PCDHA10: variants seen among roughly 807,000 people sequenced by gnomAD.
PCDHA10 encodes protocadherin alpha-10.
A neutral mutation model predicts 61.2 loss-of-function variants in PCDHA10; 45 were observed. The ratio of observed to expected loss-of-function variants is 0.74; its 90% confidence interval spans 0.58 to 0.94. The LOEUF (loss-of-function observed/expected upper bound fraction) is 0.94. PCDHA10 is among the 40% of genes least tolerant of loss of function. PCDHA10 has a pLI of 0.00. For synonymous variants in PCDHA10, 602 were observed against 548.8 expected, an observed-to-expected ratio of 1.10 and a Z score of -1.35; for missense variants, 1,278 against 1,236.2, an observed-to-expected ratio of 1.03 and a Z score of -0.51.
intron 1 of PCDHA10, chr5:140,864,391 A>G (rs1554158881): frequency 6.6e-6 from 1 of 152,234 alleles, no homozygotes; most frequent in African/African-American, 2.4e-5. Context: ...TCTCTCACAA[A>G]TGGTGATGAG....
intron 3 of PCDHA10, among the ~76,000 whole-genome samples, chr5:140,987,622 TAGATG>T (rs1554249376): frequency 2.6e-5 from 4 of 152,328 alleles, no homozygotes; most frequent in African/African-American, 9.6e-5. Flanking sequence ...TTGGAAGAAT[TAGATG>T]AGATAATGCA....
intron 1 of PCDHA10, among the ~76,000 whole-genome samples, chr5:140,878,256 C>G (rs2057518420): frequency 6.6e-6 from 1 of 152,160 alleles, no homozygotes; most frequent in Admixed American, 6.5e-5. Flanking sequence ...TCCTCACGTG[C>G]TTAGGCTTTT....
At chr5:140,954,968 G>T (rs531304394) in intron 1 of PCDHA10, among the ~76,000 whole-genome samples, 4 of 152,200 alleles carry the variant, frequency 2.6e-5, no homozygotes, top group African/African-American at 9.6e-5. Context: ...TAAGGAAAGG[G>T]TCCAGTTTCA....
At chr5:140,902,185 TTC>T (rs370111655) in intron 1 of PCDHA10, among the ~76,000 whole-genome samples, 3 of 150,766 alleles carry the variant, frequency 2.0e-5, no homozygotes, top group South Asian at 2.1e-4. Flanking sequence ...CCTTTATGTC[TTC>T]TCTCTCTCTC....
intron 1 of PCDHA10, among the ~76,000 whole-genome samples, chr5:140,889,098 T>C (rs1252119447): frequency 6.6e-6 from 1 of 152,012 alleles, no homozygotes; most frequent in African/African-American, 2.4e-5. Flanking sequence ...AACAATTTTT[T>C]CATCTTTATT....
In PCDHA10 at chr5:140,926,298, C is replaced by G. The variant is rs1337047837; in HGVS notation, c.2389-52651C>G. 3.3e-5 allele frequency: 5 copies of G among 152,328 alleles called. No homozygotes were observed. In the East Asian group the frequency reaches 5.8e-4, roughly 18 times the overall value. The allele number at this position is 152,328 out of a possible 1,614,324, so 9.4% of individuals were successfully genotyped here. Reference sequence around the variant, plus strand: ...TCGGCAGCTCCACGCTGAGTCCCGCCCTCTCCGCCGGAGAGGTGCGCCGGG... The same window carrying G: ...TCGGCAGCTCCACGCTGAGTCCCGCGCTCTCCGCCGGAGAGGTGCGCCGGG... On this transcript the variant is annotated intron_variant, in intron 1 of 3. Coordinates refer to ENST00000307360, the MANE Select transcript of PCDHA10 (RefSeq NM_018901.4).
In PCDHA10 at chr5:140,856,507, A is replaced by C. The variant is rs527808702; in HGVS notation, c.459A>C (p.Leu153=). 4.2e-5 allele frequency: 67 copies of C among 1,598,478 alleles called. 5 individuals carry two copies. In the South Asian group the frequency reaches 7.1e-4, roughly 17 times the overall value. Reference sequence around the variant, plus strand: ...GACTGCTTGACTCTCGATTTCCACTAGAAGGCGCATCTGATGCGGATGTTG... The same window carrying C: ...GACTGCTTGACTCTCGATTTCCACTCGAAGGCGCATCTGATGCGGATGTTG... ...ESRLLDSRFP[L]EGASDADVGE... Residue 153 remains leucine (L), a synonymous_variant, in exon 1 of 4, where the codon CTA becomes CTC. Coordinates refer to ENST00000307360, the MANE Select transcript of PCDHA10 (RefSeq NM_018901.4).
At chr5:140,887,348 G>C (rs997332881) in intron 1 of PCDHA10, among the ~76,000 whole-genome samples, 1 of 151,978 alleles carries the variant, frequency 6.6e-6, no homozygotes, top group Non-Finnish European at 1.5e-5. Flanking sequence ...CACCTGGCTC[G>C]GCCTCCCAAA....
chr5:140,960,713 ATCTTATTTTAGT>A (rs2095563566), intron 1 of PCDHA10, among the ~76,000 whole-genome samples: 3 of 150,862 alleles, frequency 2.0e-5, no homozygotes, highest in Non-Finnish European at 4.4e-5. Flanking sequence ...CCAAATACTC[ATCTTATTTTAGT>A]CCATGATTTT....
rs1587841717 is a variant in PCDHA10, at chr5:140,999,568, GA to G, written c.2537-10058del. On this transcript the variant is annotated intron_variant, in intron 3 of 3. Transcript: ENST00000307360. ...ATGAAGAGGGGGTATTTTGAGAAGA[GA>G]CTATAAAGGGAAATTGCCTTCCCTA... Among the ~76,000 whole-genome samples the G allele has an allele frequency of 2.0e-5, 3 of 152,084 alleles. No homozygotes were observed. In the South Asian group the frequency reaches 6.2e-4, roughly 32 times the overall value.
intron 1 of PCDHA10, among the ~76,000 whole-genome samples, chr5:140,908,772 A>G (rs2074146123): frequency 6.6e-6 from 1 of 152,144 alleles, no homozygotes; most frequent in East Asian, 1.9e-4. Flanking sequence ...CGTGTTGTAG[A>G]GTCTTCTCCT....
chr5:140,898,913 G>T (rs1554188302), intron 1 of PCDHA10, among the ~76,000 whole-genome samples: 1 of 152,066 alleles, frequency 6.6e-6, no homozygotes, highest in Non-Finnish European at 1.5e-5. Context: ...CACGTCCCTT[G>T]TAAGTTGGAT....
chr5:140,927,401 G>A lies in PCDHA10; in HGVS notation c.2389-51548G>A, dbSNP rs782140870. On this transcript the variant is annotated intron_variant, in intron 1 of 3. Transcript: ENST00000307360. ...AGCCTAAGCCCCAGTCAGCACTTTCGCCTGGACATGGGATCGCGGGTTGAC... is the reference window on the plus strand; with the variant it reads ...AGCCTAAGCCCCAGTCAGCACTTTCACCTGGACATGGGATCGCGGGTTGAC... The A allele has an allele frequency of 1.9e-6, 3 of 1,614,192 alleles. No homozygotes were observed. Among genetic ancestry groups the A allele is most frequent in the Non-Finnish European group, 2.5e-6 (3 of 1,180,036 alleles).
chr5:141,003,469 A>G (rs536017033), intron 3 of PCDHA10, among the ~76,000 whole-genome samples: 53 of 152,106 alleles, frequency 3.5e-4, no homozygotes, highest in Admixed American at 2.3e-3. Flanking sequence ...GCACCACCAC[A>G]GTCTCGCTAA....
intron 1 of PCDHA10, chr5:140,884,779 G>C: frequency 1.4e-6 from 2 of 1,404,226 alleles, no homozygotes; most frequent in Non-Finnish European, 1.9e-6. Context: ...TTTTAATTTT[G>C]CTAGTTGTTA....
intron 1 of PCDHA10, chr5:140,867,880 G>T (rs1562611394): frequency 6.6e-6 from 1 of 151,984 alleles, no homozygotes; most frequent in Non-Finnish European, 1.5e-5. Flanking sequence ...TATGTTTTAA[G>T]CACAATATCA....
Position 140,857,757 on chromosome 5 carries a change from G to C in PCDHA10, c.1709G>C (p.Gly570Ala), listed in dbSNP as rs782736508. ...CCCGCGCTGCTGGCGTCTCCCGCTG[G>C]CAGCGCGGGCGGTGCAGTCAGTGAG... The part of the protein sequence containing the change: ...NAPALLASPA[G>A]SAGGAVSELV... Residue 570 changes from glycine (G) to alanine (A), a missense_variant, in exon 1 of 4, where the codon GGC becomes GCC. Transcript: ENST00000307360. The C allele has an allele frequency of 6.3e-7, 1 of 1,597,402 alleles. No homozygotes were observed. Among genetic ancestry groups the C allele is most frequent in the Non-Finnish European group, 8.6e-7 (1 of 1,167,564 alleles).
At chr5:140,943,846 A>C (rs1209903373) in intron 1 of PCDHA10, among the ~76,000 whole-genome samples, 1 of 152,242 alleles carries the variant, frequency 6.6e-6, no homozygotes, top group African/African-American at 2.4e-5. Context: ...GTAAGATGTC[A>C]CAGAAGTCAA....
intron 1 of PCDHA10, among the ~76,000 whole-genome samples, chr5:140,974,906 T>G (rs1197306976): frequency 6.6e-6 from 1 of 152,182 alleles, no homozygotes; most frequent in Non-Finnish European, 1.5e-5. Flanking sequence ...TTGTAACAAA[T>G]TACCACAAGT....
Sources: gnomAD v4.1 joint callset for allele counts (sites outside exome capture counted in the v4.1 genomes callset) on GRCh38, gnomAD v4.1.1 for gene constraint, MANE v1.5 for transcripts, NCBI Gene and HGNC (gene_info 2026-07-23, HGNC 2026-07-21) for gene names.